HS6ST1: variants seen among roughly 807,000 people sequenced by gnomAD.
HS6ST1 encodes heparan sulfate 6-O-sulfotransferase 1.
In HS6ST1, 3 loss-of-function variants were observed where a neutral mutation model predicts 25.2. The ratio of observed to expected loss-of-function variants is 0.12; its 90% CI spans 0.05 to 0.31. The LOEUF is 0.31. HS6ST1 is among the 10% of genes least tolerant of loss of function. The pLI is 1.00. For synonymous variants in HS6ST1, 204 were observed against 275.1 expected (o/e 0.74, Z 2.56); for missense variants, 310 against 609.6 (o/e 0.51, Z 5.18).
intron 1 of HS6ST1, among the ~76,000 whole-genome samples, chr2:128,313,236 G>A (rs1694316627): frequency 6.6e-6 from 1 of 152,118 alleles, no homozygotes; most frequent in Non-Finnish European, 1.5e-5. Context: ...CCACTCCTAG[G>A]AATCTCCAGA....
intron 1 of HS6ST1, among the ~76,000 whole-genome samples, chr2:128,300,375 C>T (rs1043678113): frequency 1.3e-5 from 2 of 152,170 alleles, no homozygotes; most frequent in Admixed American, 6.5e-5. Flanking sequence ...AAACCAGCGC[C>T]GCCTTGGGCC....
At chr2:128,315,879 G>A (rs952736753) in intron 1 of HS6ST1, among the ~76,000 whole-genome samples, 4 of 152,210 alleles carry the variant, frequency 2.6e-5, no homozygotes, top group African/African-American at 9.6e-5. Context: ...GAGTGGAGGC[G>A]GAGAAGAGGG....
At chr2:128,302,983 C>G (rs1694156232) in intron 1 of HS6ST1, among the ~76,000 whole-genome samples, 1 of 152,206 alleles carries the variant, frequency 6.6e-6, no homozygotes, top group Admixed American at 6.5e-5. Context: ...CTGTCCTCAC[C>G]CCTCCCTGTG....
intron 1 of HS6ST1, 51 bp from the exon 2 acceptor site, chr2:128,268,921 G>C (rs1176646944): frequency 8.2e-6 from 12 of 1,471,826 alleles, no homozygotes; most frequent in Non-Finnish European, 1.1e-5. Flanking sequence ...GCATGAGGGG[G>C]GCTACCAGGG....
At chr2:128,303,700 T>C (rs1694167913) in intron 1 of HS6ST1, among the ~76,000 whole-genome samples, 1 of 152,176 alleles carries the variant, frequency 6.6e-6, no homozygotes, top group African/African-American at 2.4e-5. Flanking sequence ...TAGAAATAAA[T>C]GGCTGAGGCT....
In HS6ST1 at chr2:128,313,950, A is replaced by G. The variant is rs528565769; in HGVS notation, c.527+4087T>C. On this transcript the variant is annotated intron_variant, in intron 1 of 1. Coordinates refer to ENST00000259241, the MANE Select transcript of HS6ST1 (RefSeq NM_004807.3). ...TATCATGTGTTTGCTTAAAAAAAAA[A>G]AAAAAGGATTTTTTATCTATTTTTA... is the stretch of plus-strand genomic sequence containing the variant. 2.0e-4 allele frequency among the ~76,000 whole-genome samples: 30 copies of G among 152,198 alleles called. No individual in the cohort carries two copies. The East Asian group carries it at 5.6e-3, about 28-fold the overall frequency.
chr2:128,302,088 G>A (rs537225175), intron 1 of HS6ST1, among the ~76,000 whole-genome samples: 1 of 152,356 alleles, frequency 6.6e-6, no homozygotes, highest in South Asian at 2.1e-4. Flanking sequence ...CCCTGAGGCA[G>A]TAGGTGTCAC....
intron 1 of HS6ST1, among the ~76,000 whole-genome samples, chr2:128,309,026 G>A (rs1385823883): frequency 6.6e-6 from 1 of 152,182 alleles, no homozygotes; most frequent in African/African-American, 2.4e-5. Context: ...TACAGATGGG[G>A]AACCTGAGCT....
rs1400455221 is a variant in HS6ST1, at chr2:128,287,637, C to T, written c.528-18767G>A. ...GGGTCCAGGGGTGCTCTGCACCAGC[C>T]CTCTTCAATGAGGGGAGAACAGGCG... is the stretch of plus-strand genomic sequence containing the variant. On this transcript the variant is annotated intron_variant, in intron 1 of 1. Coordinates refer to ENST00000259241, the MANE Select transcript of HS6ST1 (RefSeq NM_004807.3). Among the ~76,000 whole-genome samples, 7 of 152,230 alleles carry T rather than the reference C, an allele frequency of 4.6e-5. No individual in the cohort carries two copies. In the East Asian group the frequency reaches 1.3e-3, roughly 29 times the overall value.
At position 128,267,662 on chromosome 2, in the gene HS6ST1, TG is replaced by T; in HGVS notation, c.*499del. The T allele has an allele frequency of 5.7e-6, 1 of 174,370 alleles. No homozygotes were observed. The highest frequency in any genetic ancestry group is 1.2e-5 in the Non-Finnish European group (1 of 81,546). The allele number at this position is 174,370 out of a possible 1,614,324, so 10.8% of individuals were successfully genotyped here. A position where few individuals can be genotyped will look rare whatever the true frequency, so the allele number is the denominator to read the frequency against. ...GGGGGCTCCCCAGGCCTCGGGGCAT[TG>T]GGGGCAGCCAGAAGAGGAGGGGCTA... On this transcript the variant is annotated 3_prime_UTR_variant, in exon 2 of 2. Coordinates refer to ENST00000259241, the MANE Select transcript of HS6ST1 (RefSeq NM_004807.3).
intron 1 of HS6ST1, among the ~76,000 whole-genome samples, chr2:128,310,978 G>A (rs905627716): frequency 6.8e-6 from 1 of 146,086 alleles, no homozygotes; most frequent in Admixed American, 7.0e-5. Flanking sequence ...ACCCAACTGT[G>A]CTTTCTGAGT....
At chr2:128,315,056 C>T (rs1694341843) in intron 1 of HS6ST1, among the ~76,000 whole-genome samples, 2 of 152,186 alleles carry the variant, frequency 1.3e-5, no homozygotes, top group African/African-American at 4.8e-5. Context: ...TTGGCTGCTG[C>T]CTGGGGATGG....
chr2:128,277,385 C>T (rs1007305077), intron 1 of HS6ST1, among the ~76,000 whole-genome samples: 2 of 152,216 alleles, frequency 1.3e-5, no homozygotes, highest in Non-Finnish European at 2.9e-5. Context: ...GGGCTCCCAG[C>T]GTTCACCCCT....
chr2:128,301,992 G>A lies in HS6ST1; in HGVS notation c.527+16045C>T, dbSNP rs1286831965. On this transcript the variant is annotated intron_variant, in intron 1 of 1. Transcript: ENST00000259241. The stretch of plus-strand genomic sequence containing the variant: ...AGAGGACTGGGCTCTCCATGGTGCC[G>A]CCAGCTCCTCTCCCTGGATAAAGTC... Among the ~76,000 whole-genome samples, 7 of 152,156 alleles carry A rather than the reference G, an allele frequency of 4.6e-5. No homozygotes were observed. In the South Asian group the frequency reaches 6.2e-4, roughly 14 times the overall value.
chr2:128,308,810 C>T (rs965703845), intron 1 of HS6ST1, among the ~76,000 whole-genome samples: 2 of 152,256 alleles, frequency 1.3e-5, no homozygotes, highest in Non-Finnish European at 2.9e-5. Flanking sequence ...CAGACTTCAG[C>T]TGCTTTGAGG....
In HS6ST1 at chr2:128,306,565, TAAAC is replaced by T. The variant is rs577592355; in HGVS notation, c.527+11468_527+11471del. On this transcript the variant is annotated intron_variant, in intron 1 of 1. Coordinates refer to ENST00000259241, the MANE Select transcript of HS6ST1 (RefSeq NM_004807.3). ...TGCTCCCCCTGCCGCCTAGGGGCTG[TAAAC>T]ATTTGTTCCTGCAAGCCCTGCAGCA... is the stretch of plus-strand genomic sequence containing the variant. Among the ~76,000 whole-genome samples the T allele has an allele frequency of 3.6e-3, 545 of 152,332 alleles. 3 individuals are homozygous for T. The highest frequency in any genetic ancestry group is 0.012 in the African/African-American group (516 of 41,572).
chr2:128,309,192 CTGGGT>C (rs1694253696), intron 1 of HS6ST1, among the ~76,000 whole-genome samples: 1 of 152,246 alleles, frequency 6.6e-6, no homozygotes, highest in Admixed American at 6.5e-5. Context: ...CTCCTTGTTG[CTGGGT>C]TACCCATAGA....
intron 1 of HS6ST1, among the ~76,000 whole-genome samples, chr2:128,314,323 G>A (rs1041854925): frequency 2.0e-5 from 3 of 152,140 alleles, no homozygotes; most frequent in African/African-American, 7.2e-5. Flanking sequence ...TGAGTCACAG[G>A]GAAAGGGCAG....
At chr2:128,295,388 C>T (rs1246764727) in intron 1 of HS6ST1, among the ~76,000 whole-genome samples, 3 of 152,258 alleles carry the variant, frequency 2.0e-5, no homozygotes, top group African/African-American at 7.2e-5. Flanking sequence ...TGGGTGTCCA[C>T]ACCCTTGACT....
Sources: allele counts gnomAD v4.1 joint callset (sites outside exome capture counted in the v4.1 genomes callset), GRCh38; gene constraint gnomAD v4.1.1; transcripts MANE v1.5; gene names NCBI Gene and HGNC (gene_info 2026-07-23, HGNC 2026-07-21).